SGCD: variants seen among roughly 807,000 people sequenced by gnomAD.
SGCD encodes sarcoglycan delta.
In SGCD, 18 loss-of-function variants were observed where a neutral mutation model predicts 36.6. The ratio of observed to expected loss-of-function variants is 0.49; its 90% CI spans 0.34 to 0.73. SGCD has a LOEUF of 0.73. Among genes scored for constraint, SGCD ranks in the 30% least tolerant of loss-of-function variants. The pLI is 0.01. For missense variants in SGCD, 387 were observed against 346.7 expected, an observed-to-expected ratio of 1.12 and a Z score of -0.92; for synonymous variants, 133 against 130.6, an observed-to-expected ratio of 1.02 and a Z score of -0.12.
intron 3 of SGCD, among the ~76,000 whole-genome samples, chr5:156,189,022 A>G (rs1342757717): frequency 2.0e-5 from 3 of 152,106 alleles, no homozygotes; most frequent in Non-Finnish European, 4.4e-5. Context: ...CCTTTTCTCC[A>G]GTTAATCTGA....
intron 3 of SGCD, among the ~76,000 whole-genome samples, chr5:156,173,697 G>A (rs1763394796): frequency 6.6e-6 from 1 of 151,916 alleles, no homozygotes. Context: ...AAACCTTAGG[G>A]AGATCTTAAA....
At chr5:156,757,263 C>CCAAAAA (rs1200776914) in intron 7 of SGCD, among the ~76,000 whole-genome samples, 1 of 69,386 alleles carries the variant, frequency 1.4e-5, no homozygotes, top group African/African-American at 5.8e-5. Context: ...CTTACTTTTA[C>CCAAAAA]AAAAAAAAAA....
rs576046871 is a variant in SGCD at position 155,992,023 on chromosome 5, T to C, written c.-282+121599T>C. Among the ~76,000 whole-genome samples, 4 of 152,352 alleles carry C rather than the reference T, an allele frequency of 2.6e-5. No homozygotes were observed. The South Asian group carries it at 6.2e-4, about 24-fold the overall frequency. ...ATGCATCACTTTTCTTCCTCCCTTA[T>C]GGTTGAATCTTCAAAGCTCTGAGAT... On this transcript the variant is annotated intron_variant, in intron 1 of 9. Transcript: ENST00000517913.
At chr5:156,237,071 T>C (rs1462200953) in intron 3 of SGCD, among the ~76,000 whole-genome samples, 2 of 146,822 alleles carry the variant, frequency 1.4e-5, no homozygotes, top group African/African-American at 5.0e-5. Context: ...CTGACCTCAG[T>C]TGATTCATGT....
At chr5:156,563,007 TG>T (rs1759330416) in intron 4 of SGCD, among the ~76,000 whole-genome samples, 2 of 152,106 alleles carry the variant, frequency 1.3e-5, no homozygotes, top group African/African-American at 4.8e-5. Context: ...GACGGAGTTT[TG>T]CTCTTGTTGC....
At chr5:156,720,963 A>AT (rs905510443) in intron 7 of SGCD, among the ~76,000 whole-genome samples, 1 of 152,144 alleles carries the variant, frequency 6.6e-6, no homozygotes, top group African/African-American at 2.4e-5. Flanking sequence ...AAGTGCTTAG[A>AT]TTTTGAATAT....
chr5:156,100,920 T>C (rs1375659269), intron 1 of SGCD, among the ~76,000 whole-genome samples: 1 of 152,174 alleles, frequency 6.6e-6, no homozygotes, highest in Non-Finnish European at 1.5e-5. Context: ...TACATGTTTA[T>C]TTGTCAAAGC....
At chr5:155,752,927 C>T in the SGCD span, among the ~76,000 whole-genome samples, 3 of 152,160 alleles carry the variant, frequency 2.0e-5, no homozygotes, top group Admixed American at 1.3e-4. Context: ...TTACACAGCA[C>T]ATAGAGTGTG....
At chr5:156,259,855 G>A (rs1197117421) in intron 3 of SGCD, among the ~76,000 whole-genome samples, 5 of 152,106 alleles carry the variant, frequency 3.3e-5, no homozygotes, top group Admixed American at 6.6e-5. Context: ...CTCACTATGG[G>A]ATGCCGTTTG....
In SGCD at chr5:156,281,985, C is replaced by G. The variant is rs113008985; in HGVS notation, c.-43-47549C>G. On this transcript the variant is annotated intron_variant, in intron 3 of 9. Coordinates refer to the SGCD transcript ENST00000517913. ...GGCGGAGCTTGCAGTGAGCCAAGAT[C>G]GCGCCACTGCACTCTAGCCTGGGGG... is the stretch of plus-strand genomic sequence containing the variant. Among the ~76,000 whole-genome samples the G allele has an allele frequency of 2.7e-3, 415 of 151,946 alleles. 3 individuals carry two copies. Among genetic ancestry groups the G allele is most frequent in the African/African-American group, 9.6e-3 (396 of 41,448 alleles).
At chr5:156,742,514 T>C (rs1756735486) in intron 7 of SGCD, among the ~76,000 whole-genome samples, 1 of 152,150 alleles carries the variant, frequency 6.6e-6, no homozygotes, top group Non-Finnish European at 1.5e-5. Flanking sequence ...TTCTTCCACC[T>C]GGATAATAAC....
At chr5:155,859,141 A>C in the SGCD span, among the ~76,000 whole-genome samples, 1 of 151,914 alleles carries the variant, frequency 6.6e-6, no homozygotes. Context: ...GGCTCACTGC[A>C]GCCGTAACCC....
chr5:156,754,318 A>G (rs893178394), intron 7 of SGCD, among the ~76,000 whole-genome samples: 3 of 152,206 alleles, frequency 2.0e-5, no homozygotes, highest in Non-Finnish European at 4.4e-5. Flanking sequence ...TATTCTGTTT[A>G]TATTGAATCA....
chr5:156,429,533 G>C (rs565564411), intron 3 of SGCD, among the ~76,000 whole-genome samples: 1 of 150,426 alleles, frequency 6.6e-6, no homozygotes, highest in East Asian at 1.9e-4. Flanking sequence ...AAGATGTGAG[G>C]TCCCTTTATA....
At chr5:156,488,635 C>T (rs1297962580) in intron 3 of SGCD, among the ~76,000 whole-genome samples, 4 of 152,058 alleles carry the variant, frequency 2.6e-5, no homozygotes, top group African/African-American at 9.7e-5. Flanking sequence ...CAAGACCAAT[C>T]CTCCAAGAAA....
At chr5:156,011,524 C>T (rs1249028346) in intron 1 of SGCD, among the ~76,000 whole-genome samples, 5 of 151,882 alleles carry the variant, frequency 3.3e-5, no homozygotes, top group African/African-American at 1.2e-4. Context: ...CACTGCAACT[C>T]CTGCCCCGCG....
chr5:155,734,964 A>G, the SGCD span, among the ~76,000 whole-genome samples: 3 of 152,306 alleles, frequency 2.0e-5, no homozygotes, highest in East Asian at 5.8e-4. Context: ...TGTATCTGCC[A>G]TTCAGTCTAT....
At chr5:156,418,550 A>G (rs1224336213) in intron 3 of SGCD, among the ~76,000 whole-genome samples, 1 of 152,194 alleles carries the variant, frequency 6.6e-6, no homozygotes, top group Non-Finnish European at 1.5e-5. Context: ...TCAGAGTGCC[A>G]GGTAGAAAGT....
chr5:156,122,831 T>C (rs113484076), intron 2 of SGCD, among the ~76,000 whole-genome samples: 25 of 82,844 alleles, frequency 3.0e-4, no homozygotes, highest in Admixed American at 9.3e-4. Flanking sequence ...AGCATGGTAG[T>C]AAAAGATGTG....
Sources: gnomAD v4.1 joint callset for allele counts (sites outside exome capture counted in the v4.1 genomes callset) on GRCh38, gnomAD v4.1.1 for gene constraint, MANE v1.5 for transcripts, NCBI Gene and HGNC (gene_info 2026-07-23, HGNC 2026-07-21) for gene names.